Variants in TMEM212 observed in about 807,000 individuals in gnomAD.
The protein encoded by TMEM212 is transmembrane protein 212.
Under a neutral mutation model 20.5 loss-of-function variants are expected in TMEM212, and 23 were observed. The observed-to-expected ratio is 1.12, with a 90% CI of 0.81 to 1.59. The LOEUF (loss-of-function observed/expected upper bound fraction) is 1.59, where lower values mean the gene tolerates loss of function less well. Ranked by LOEUF, TMEM212 falls within the 40% of genes most tolerant of loss-of-function variation. The probability of loss-of-function intolerance (pLI) is 0.00; values close to 1 mark genes in which losing one functional copy is unlikely to be tolerated. For synonymous variants in TMEM212, 76 were observed against 81.6 expected (o/e 0.93, Z 0.37); for missense variants, 211 against 215.0 (o/e 0.98, Z 0.12).
At chr3:171,853,981 T>C in intron 3 of TMEM212, 131 bp downstream of exon 3, 1 of 682,396 alleles carries the variant, frequency 1.5e-6, no homozygotes, top group South Asian at 2.0e-5. Context: ...TATCCAGGTC[T>C]GGCACATAAT....
intron 1 of TMEM212, among the ~76,000 whole-genome samples, chr3:171,844,772 A>G (rs1724796274): frequency 6.6e-6 from 1 of 152,164 alleles, no homozygotes; most frequent in South Asian, 2.1e-4. Flanking sequence ...AAAAGTTAAA[A>G]CTTTAACTGA....
At chr3:171,854,895 TA>T (rs1725076089) in intron 3 of TMEM212, among the ~76,000 whole-genome samples, 1 of 152,218 alleles carries the variant, frequency 6.6e-6, no homozygotes, top group African/African-American at 2.4e-5. Context: ...AAGGGATATT[TA>T]GGACAAAACA....
Position 171,843,413 on chromosome 3 carries a change from G to T in TMEM212, c.30G>T (p.Arg10=). The T allele has an allele frequency of 1.3e-6, 2 of 1,536,600 alleles. No individual in the cohort carries two copies. The highest frequency in any genetic ancestry group is 8.7e-7 in the Non-Finnish European group (1 of 1,146,576). ...AGGGCCTCTACCAGGCTGCTGGCCG[G>T]ATTCTTGTTACTCTGGGGATCCTCA... MKGLYQAAG[R]ILVTLGILSV... is the part of the protein sequence containing the mutation. The change falls in exon 1 of 5, where the codon CGG becomes CGT. Residue 10 remains arginine, a synonymous_variant. Coordinates refer to ENST00000334567, the MANE Select transcript of TMEM212 (RefSeq NM_001164436.2).
chr3:171,845,894 T>C (rs1231637579), intron 1 of TMEM212, among the ~76,000 whole-genome samples: 1 of 152,146 alleles, frequency 6.6e-6, no homozygotes. Flanking sequence ...TAAACAAAGA[T>C]TGTATAATAA....
chr3:171,843,742 A>G (rs1724767036), intron 1 of TMEM212, among the ~76,000 whole-genome samples, 200 bp downstream of exon 1: 1 of 152,208 alleles, frequency 6.6e-6, no homozygotes, highest in Non-Finnish European at 1.5e-5. Flanking sequence ...TTGTTTTATC[A>G]TGTATACATG....
At position 171,853,863 on chromosome 3, in the gene TMEM212, A is replaced by C; in HGVS notation, c.543+13A>C. ...TGGACACATAAACGTAAGTTTCAAC[A>C]AAGGGGAGGCAGGTTCTTGTTCCAT... On this transcript the variant is annotated intron_variant, in intron 3 of 4. Transcript: ENST00000334567. The C allele has an allele frequency of 6.6e-7, 1 of 1,526,410 alleles. No homozygotes were observed. Among genetic ancestry groups the C allele is most frequent in the Non-Finnish European group, 8.8e-7 (1 of 1,139,094 alleles). The allele number at this position is 1,526,410 out of a possible 1,614,324, so 94.6% of individuals were successfully genotyped here. A position where few individuals can be genotyped will look rare whatever the true frequency, so the allele number is the denominator to read the frequency against.
rs1725037219 is a variant in TMEM212, at chr3:171,853,530, G to A, written c.223G>A (p.Glu75Lys). 6.5e-7 allele frequency: 1 copy of A among 1,532,296 alleles called. No homozygotes were observed. Among genetic ancestry groups the A allele is most frequent in the Non-Finnish European group, 8.7e-7 (1 of 1,143,900 alleles). 94.9% of individuals were successfully genotyped at this position (1,532,296 alleles called of 1,614,324 possible). A position where few individuals can be genotyped will look rare whatever the true frequency, so the allele number is the denominator to read the frequency against. ...YREWTQRYLG[E>K]ATFTFVILSI... ...TTTATTTTTGCTTTATTTTCAGGGG[G>A]AAGCTACTTTCACCTTTGTGATTCT... The change falls in exon 3 of 5, where the codon GAA (glutamate) becomes AAA (lysine). Residue 75 changes from glutamate to lysine, a missense_variant. Glu to Lys is a moderately conservative substitution (Grantham distance 56, BLOSUM62 1). Coordinates refer to ENST00000334567, the MANE Select transcript of TMEM212 (RefSeq NM_001164436.2).
chr3:171,850,750 T>C (rs550002570), intron 1 of TMEM212, among the ~76,000 whole-genome samples: 2 of 152,308 alleles, frequency 1.3e-5, no homozygotes, highest in East Asian at 3.9e-4. Flanking sequence ...TGACTACAGA[T>C]GGTTCTGTTT....
intron 2 of TMEM212, 70 bp downstream of exon 2, chr3:171,852,111 G>A: frequency 8.4e-7 from 1 of 1,185,642 alleles, no homozygotes. Context: ...AGTTCAGGAT[G>A]GAACATAAAA....
At chr3:171,844,525 G>A (rs1724789828) in intron 1 of TMEM212, among the ~76,000 whole-genome samples, 1 of 152,090 alleles carries the variant, frequency 6.6e-6, no homozygotes, top group South Asian at 2.1e-4. Flanking sequence ...GACCAACATG[G>A]CGAAACCCCG....
At chr3:171,844,436 G>A (rs994625508) in intron 1 of TMEM212, among the ~76,000 whole-genome samples, 20 of 152,060 alleles carry the variant, frequency 1.3e-4, no homozygotes, top group African/African-American at 4.6e-4. Context: ...GGCCGGGCAT[G>A]GTGGCTCACG....
chr3:171,849,393 G>A (rs555271268), intron 1 of TMEM212, among the ~76,000 whole-genome samples: 22 of 152,180 alleles, frequency 1.4e-4, no homozygotes, highest in East Asian at 1.2e-3. Context: ...AAATTCCAGC[G>A]GCAGTCAGAA....
At chr3:171,848,466 C>T (rs1724887546) in intron 1 of TMEM212, among the ~76,000 whole-genome samples, 1 of 152,038 alleles carries the variant, frequency 6.6e-6, no homozygotes, top group African/African-American at 2.4e-5. Flanking sequence ...AGATTTTATG[C>T]CTAGGTAACT....
At chr3:171,847,927 T>C (rs1000143828) in intron 1 of TMEM212, among the ~76,000 whole-genome samples, 2 of 152,200 alleles carry the variant, frequency 1.3e-5, no homozygotes, top group African/African-American at 4.8e-5. Context: ...CAGATGGGCC[T>C]AGGAGAAGGT....
chr3:171,844,307 C>A (rs574473329), intron 1 of TMEM212, among the ~76,000 whole-genome samples: 75 of 152,304 alleles, frequency 4.9e-4, no homozygotes, highest in African/African-American at 1.7e-3. Context: ...CAGAGACCCA[C>A]CTGTCCAACA....
At chr3:171,844,946 T>C (rs1040331328) in intron 1 of TMEM212, among the ~76,000 whole-genome samples, 3 of 152,184 alleles carry the variant, frequency 2.0e-5, no homozygotes, top group African/African-American at 7.2e-5. Flanking sequence ...TGTGTGCAGA[T>C]AGACGGAAGC....
chr3:171,852,948 G>A (rs1725019037), intron 2 of TMEM212, among the ~76,000 whole-genome samples: 1 of 152,238 alleles, frequency 6.6e-6, no homozygotes, highest in Admixed American at 6.5e-5. Context: ...GCTCCCAGGG[G>A]ATATCAGTGC....
chr3:171,852,723 T>G (rs1307997236), intron 2 of TMEM212, among the ~76,000 whole-genome samples: 6 of 152,226 alleles, frequency 3.9e-5, no homozygotes, highest in African/African-American at 1.4e-4. Flanking sequence ...TAAAAAAGGA[T>G]GAAAAGTCTA....
chr3:171,851,429 T>C (rs1724974052), intron 1 of TMEM212, among the ~76,000 whole-genome samples: 1 of 152,218 alleles, frequency 6.6e-6, no homozygotes, highest in South Asian at 2.1e-4. Context: ...CCCAGAACAA[T>C]AAATGCCACA....
Sources: allele counts gnomAD v4.1 joint callset (sites outside exome capture counted in the v4.1 genomes callset), GRCh38; gene constraint gnomAD v4.1.1; transcripts MANE v1.5; gene names NCBI Gene and HGNC (gene_info 2026-07-23, HGNC 2026-07-21).